The following NXPH1 variants were observed in gnomAD, a reference collection of about 807,000 sequenced individuals.
NXPH1 encodes neurexophilin 1, also known as neurexophilin-1.
NXPH1 carries 5 observed loss-of-function variants against 23.7 expected under a neutral mutation model. The ratio of observed to expected loss-of-function variants is 0.21; its 90% confidence interval spans 0.11 to 0.44. The LOEUF (loss-of-function observed/expected upper bound fraction) is 0.44, where lower values mean the gene tolerates loss of function less well. Among genes scored for constraint, NXPH1 ranks in the 20% least tolerant of loss-of-function variants. NXPH1 has a pLI of 0.99. For synonymous variants in NXPH1, 144 were observed against 122.2 expected (o/e 1.18, Z -1.18); for missense variants, 324 against 321.6 (o/e 1.01, Z -0.06).
chr7:8,751,744 A>G lies in NXPH1; in HGVS notation c.791A>G (p.Asp264Gly), dbSNP rs908470270. The change falls in exon 3 of 3, where the codon GAC becomes GGC. Residue 264 changes from aspartate to glycine, a missense_variant. Coordinates refer to ENST00000405863, the MANE Select transcript of NXPH1 (RefSeq NM_152745.3). The surrounding 1 kb of genome is among the most constrained non-coding windows in gnomAD (Gnocchi z 4.5). ...KVCPDYNYHSDTPYFPSG is the reference protein window; with the variant it reads ...KVCPDYNYHSGTPYFPSG ...TGCCCTGACTACAACTACCACAGTGACACACCTTACTTTCCCTCGGGATGA... is the reference window on the plus strand; with the variant it reads ...TGCCCTGACTACAACTACCACAGTGGCACACCTTACTTTCCCTCGGGATGA... 6.2e-7 allele frequency: 1 copy of G among 1,611,454 alleles called. No homozygotes were observed. Among genetic ancestry groups the G allele is most frequent in the Non-Finnish European group, 8.5e-7 (1 of 1,178,694 alleles).
chr7:8,556,725 T>G (rs979133785), intron 2 of NXPH1, among the ~76,000 whole-genome samples: 11 of 151,746 alleles, frequency 7.2e-5, no homozygotes, highest in South Asian at 2.1e-4. Context: ...TGCTATATAT[T>G]GTGTTACTGA....
chr7:8,571,098 A>G (rs1818638631), intron 2 of NXPH1, among the ~76,000 whole-genome samples: 1 of 151,724 alleles, frequency 6.6e-6, no homozygotes, highest in South Asian at 2.1e-4. Context: ...AGAAATGGGA[A>G]TTCCTGGTCC....
intron 2 of NXPH1, among the ~76,000 whole-genome samples, chr7:8,663,773 G>T (rs953000443): frequency 1.3e-5 from 2 of 152,084 alleles, no homozygotes; most frequent in African/African-American, 4.8e-5. Flanking sequence ...GTGATACAGA[G>T]AAATAATTGG....
chr7:8,540,336 A>G (rs539334424), intron 2 of NXPH1, among the ~76,000 whole-genome samples: 6 of 151,996 alleles, frequency 3.9e-5, no homozygotes, highest in Non-Finnish European at 8.8e-5. Flanking sequence ...CCAAATTTAC[A>G]CTGAAACAAC....
chr7:8,608,477 C>T (rs1230044277), intron 2 of NXPH1, among the ~76,000 whole-genome samples: 1 of 151,998 alleles, frequency 6.6e-6, no homozygotes, highest in Non-Finnish European at 1.5e-5. Context: ...GCTGGGACTA[C>T]AGTGATGTGT....
chr7:8,446,082 T>C (rs529677070), intron 2 of NXPH1, among the ~76,000 whole-genome samples: 1 of 152,340 alleles, frequency 6.6e-6, no homozygotes, highest in African/African-American at 2.4e-5. Flanking sequence ...AATCTCTTAC[T>C]TGTGAAGCCC....
At chr7:8,716,163 G>T (rs938946026) in intron 2 of NXPH1, among the ~76,000 whole-genome samples, 17 of 152,074 alleles carry the variant, frequency 1.1e-4, no homozygotes, top group Admixed American at 1.1e-3. Context: ...ACTCCTTATG[G>T]CAGTAAAGGA....
chr7:8,747,949 A>C (rs192170485), intron 2 of NXPH1, among the ~76,000 whole-genome samples: 1 of 152,372 alleles, frequency 6.6e-6, no homozygotes, highest in East Asian at 1.9e-4. Context: ...TATAACTATA[A>C]TGAAAAATAC....
intron 2 of NXPH1, among the ~76,000 whole-genome samples, chr7:8,688,640 C>T (rs1821183087): frequency 1.3e-5 from 2 of 152,140 alleles, no homozygotes; most frequent in African/African-American, 4.8e-5. Flanking sequence ...AAATTAGACA[C>T]ATGTATGTGT....
intron 2 of NXPH1, among the ~76,000 whole-genome samples, chr7:8,668,875 C>T (rs1820822768): frequency 6.6e-6 from 1 of 151,796 alleles, no homozygotes. Context: ...CAGGGGTCTA[C>T]TGTAGTTAGG....
At chr7:8,715,807 G>A (rs1347228770) in intron 2 of NXPH1, among the ~76,000 whole-genome samples, 5 of 152,098 alleles carry the variant, frequency 3.3e-5, no homozygotes, top group Admixed American at 3.3e-4. Flanking sequence ...GTGAGTTGAC[G>A]TGAGAGATGA....
chr7:8,533,096 G>T (rs1817973929), intron 2 of NXPH1, among the ~76,000 whole-genome samples: 1 of 152,138 alleles, frequency 6.6e-6, no homozygotes, highest in Admixed American at 6.6e-5. Context: ...CAGGCACAGA[G>T]AAATTAAGTG....
intron 2 of NXPH1, among the ~76,000 whole-genome samples, chr7:8,495,057 T>A (rs1817312708): frequency 6.6e-6 from 1 of 152,078 alleles, no homozygotes; most frequent in Non-Finnish European, 1.5e-5. Context: ...ATTAGTTAGG[T>A]TTCTCCAGAG....
intron 2 of NXPH1, among the ~76,000 whole-genome samples, chr7:8,723,251 A>G (rs1779997390): frequency 6.6e-6 from 1 of 152,214 alleles, no homozygotes; most frequent in East Asian, 1.9e-4. Flanking sequence ...TGAGTAGTGC[A>G]AAGAAAATGC....
intron 2 of NXPH1, among the ~76,000 whole-genome samples, chr7:8,557,164 T>G (rs1032918525): frequency 6.6e-6 from 1 of 151,676 alleles, no homozygotes; most frequent in African/African-American, 2.4e-5. Context: ...TCCATACATG[T>G]GCTTATGGGA....
intron 2 of NXPH1, among the ~76,000 whole-genome samples, chr7:8,524,266 G>T (rs989893674): frequency 2.4e-5 from 3 of 124,904 alleles, no homozygotes; most frequent in African/African-American, 5.8e-5. Context: ...AAAAAAAAAG[G>T]AAAGCTATTT....
intron 2 of NXPH1, among the ~76,000 whole-genome samples, chr7:8,464,095 A>G (rs1290252700): frequency 6.6e-6 from 1 of 152,048 alleles, no homozygotes; most frequent in East Asian, 1.9e-4. Context: ...GACAATTCTC[A>G]GTGCTCTTTG....
intron 2 of NXPH1, among the ~76,000 whole-genome samples, chr7:8,693,586 G>A (rs548672427): frequency 5.3e-5 from 8 of 152,242 alleles, no homozygotes; most frequent in African/African-American, 1.9e-4. Context: ...CAAGATTGTT[G>A]TCTAATACAT....
At chr7:8,585,820 T>C (rs1169368648) in intron 2 of NXPH1, among the ~76,000 whole-genome samples, 2 of 152,210 alleles carry the variant, frequency 1.3e-5, no homozygotes, top group Admixed American at 1.3e-4. Flanking sequence ...TTCTTTTTCA[T>C]GCCAATTTGC....
Sources: allele counts gnomAD v4.1 joint callset (sites outside exome capture counted in the v4.1 genomes callset), GRCh38; gene constraint gnomAD v4.1.1; non-coding constraint Gnocchi (gnomAD v3.1); transcripts MANE v1.5; gene names NCBI Gene and HGNC (gene_info 2026-07-23, HGNC 2026-07-21).